The following MYO1D variants were observed in gnomAD, a reference collection of about 807,000 sequenced individuals.
The protein encoded by MYO1D is myosin ID, also known as unconventional myosin-Id.
MYO1D carries 83 observed loss-of-function variants against 122.0 expected under a neutral mutation model. The ratio of observed to expected loss-of-function variants is 0.68; its 90% confidence interval spans 0.57 to 0.82. MYO1D has a LOEUF of 0.82. Ranked by LOEUF, MYO1D falls within the 40% of genes least tolerant of loss-of-function variation. MYO1D has a pLI of 0.00. For missense variants in MYO1D, 1,157 were observed against 1,269.5 expected (o/e 0.91, Z 1.35); for synonymous variants, 464 against 446.9 (o/e 1.04, Z -0.48).
At position 32,822,342 on chromosome 17, in the gene MYO1D, G is replaced by A. The variant is rs576191697; in HGVS notation, c.96-41558C>T. ...TGAACAATGAGAACACTTGGACACA[G>A]GAAGGGGAACATCACACACTGGGGC... is the stretch of plus-strand genomic sequence containing the variant. On this transcript the variant is annotated intron_variant, in intron 1 of 21. Transcript: ENST00000318217. 3.3e-3 allele frequency among the ~76,000 whole-genome samples: 490 copies of A among 149,376 alleles called. 1 individual carries two copies. Among genetic ancestry groups the A allele is most frequent in the Non-Finnish European group, 5.7e-3 (385 of 67,086 alleles).
At chr17:32,725,058 T>C (rs1348938120) in intron 14 of MYO1D, among the ~76,000 whole-genome samples, 1 of 152,060 alleles carries the variant, frequency 6.6e-6, no homozygotes, top group Non-Finnish European at 1.5e-5. Flanking sequence ...GATAGAGATA[T>C]TAAAATAACT....
intron 17 of MYO1D, among the ~76,000 whole-genome samples, chr17:32,656,482 G>A (rs1375293454): frequency 2.6e-5 from 4 of 152,172 alleles, no homozygotes; most frequent in African/African-American, 4.8e-5. Context: ...AAGTGGCAGG[G>A]ACTGGTAGCA....
intron 21 of MYO1D, among the ~76,000 whole-genome samples, chr17:32,550,827 T>C (rs225189): frequency 0.66 from 100,945 of 151,918 alleles, 34,436 homozygotes; most frequent in African/African-American, 0.82. Flanking sequence ...GAGATGCTGT[T>C]TTTACAAAAA....
intron 21 of MYO1D, among the ~76,000 whole-genome samples, chr17:32,527,690 CAGGAGGCTGAGGTGGG>C (rs1910385169): frequency 6.6e-6 from 1 of 152,032 alleles, no homozygotes; most frequent in African/African-American, 2.4e-5. Context: ...CCCAGCTACT[CAGGAGGCTGAGGTGGG>C]AGGACTGCTT....
chr17:32,539,375 A>T (rs983428570), intron 21 of MYO1D, among the ~76,000 whole-genome samples: 13 of 152,082 alleles, frequency 8.5e-5, no homozygotes, highest in Admixed American at 7.2e-4. Context: ...TGATTTTTTT[A>T]AAAACCATAC....
chr17:32,499,752 G>T (rs1283001361), intron 21 of MYO1D, among the ~76,000 whole-genome samples: 5 of 151,712 alleles, frequency 3.3e-5, no homozygotes, highest in Admixed American at 2.6e-4. Context: ...TGAGCTCAGA[G>T]GTTCAAGACC....
intron 21 of MYO1D, among the ~76,000 whole-genome samples, chr17:32,522,397 A>G (rs1317363316): frequency 6.6e-6 from 1 of 152,330 alleles, no homozygotes; most frequent in South Asian, 2.1e-4. Context: ...GAATGAAAGA[A>G]TTTTGTCCCA....
rs1307616554 is a variant in MYO1D at position 32,533,940 on chromosome 17, A to G, written c.2865-39025T>C. On this transcript the variant is annotated intron_variant, in intron 21 of 21. Transcript: ENST00000318217. ...AACAAAAATTTTTAAATGACTGCAT[A>G]AAGTTTTCTGTTAATAGGAAATTAC... Among the ~76,000 whole-genome samples, 4 of 152,252 alleles carry G rather than the reference A, an allele frequency of 2.6e-5. No individual in the cohort carries two copies. In the East Asian group the frequency reaches 7.7e-4, roughly 29 times the overall value.
chr17:32,839,224 A>G (rs2090854716), intron 1 of MYO1D, among the ~76,000 whole-genome samples: 1 of 152,218 alleles, frequency 6.6e-6, no homozygotes, highest in Admixed American at 6.5e-5. Flanking sequence ...GTTGGAGAGA[A>G]CTATATGGAC....
chr17:32,572,148 A>G (rs1367586068), intron 21 of MYO1D, among the ~76,000 whole-genome samples: 2 of 141,602 alleles, frequency 1.4e-5, no homozygotes, highest in Non-Finnish European at 3.0e-5. Flanking sequence ...TTTTTGTTCC[A>G]TCAACAAGAA....
intron 16 of MYO1D, among the ~76,000 whole-genome samples, chr17:32,707,205 C>T (rs955145433): frequency 6.6e-6 from 1 of 151,990 alleles, no homozygotes; most frequent in Non-Finnish European, 1.5e-5. Context: ...GGATGAACAA[C>T]CCAATATAAA....
At chr17:32,769,074 C>T (rs1231223203) in intron 6 of MYO1D, among the ~76,000 whole-genome samples, 2 of 152,192 alleles carry the variant, frequency 1.3e-5, no homozygotes, top group Non-Finnish European at 2.9e-5. Context: ...TCAGAGTGAT[C>T]TTATTTCCCT....
chr17:32,754,895 T>G (rs180711571), intron 11 of MYO1D, among the ~76,000 whole-genome samples: 128 of 141,896 alleles, frequency 9.0e-4, no homozygotes, highest in African/African-American at 3.0e-3. Flanking sequence ...ATAAGCACAA[T>G]TGTCACCAAT....
chr17:32,585,863 T>A (rs1308525785), intron 21 of MYO1D, among the ~76,000 whole-genome samples: 1 of 152,140 alleles, frequency 6.6e-6, no homozygotes, highest in Non-Finnish European at 1.5e-5. Flanking sequence ...ACATTCCATA[T>A]TTTTTTGAGA....
intron 1 of MYO1D, among the ~76,000 whole-genome samples, chr17:32,861,018 C>A (rs1263319049): frequency 6.6e-6 from 1 of 151,922 alleles, no homozygotes; most frequent in African/African-American, 2.4e-5. Flanking sequence ...CTCCAAGAAA[C>A]AACTCTGTTA....
intron 21 of MYO1D, among the ~76,000 whole-genome samples, chr17:32,572,063 C>T (rs1260054973): frequency 1.3e-5 from 2 of 152,088 alleles, no homozygotes; most frequent in African/African-American, 2.4e-5. Flanking sequence ...ATAACCCCTG[C>T]TCTCCTCCTC....
chr17:32,558,206 C>T (rs969037182), intron 21 of MYO1D, among the ~76,000 whole-genome samples: 1 of 152,126 alleles, frequency 6.6e-6, no homozygotes, highest in Non-Finnish European at 1.5e-5. Context: ...CCTCCTTGAT[C>T]TCAAGAGTAA....
chr17:32,797,303 T>C (rs988975968), intron 1 of MYO1D, among the ~76,000 whole-genome samples: 1 of 152,208 alleles, frequency 6.6e-6, no homozygotes, highest in African/African-American at 2.4e-5. Flanking sequence ...TAGTTTCTTA[T>C]CCCACTTTTC....
At chr17:32,601,035 T>A (rs2087556524) in intron 21 of MYO1D, among the ~76,000 whole-genome samples, 1 of 151,788 alleles carries the variant, frequency 6.6e-6, no homozygotes, top group African/African-American at 2.4e-5. Context: ...CACTGCAGCC[T>A]TGAATTCAGC....
Sources: gnomAD v4.1 joint callset for allele counts (sites outside exome capture counted in the v4.1 genomes callset) on GRCh38, gnomAD v4.1.1 for gene constraint, MANE v1.5 for transcripts, NCBI Gene and HGNC (gene_info 2026-07-23, HGNC 2026-07-21) for gene names.